RALYL: variants seen among roughly 807,000 people sequenced by gnomAD.
RALYL encodes RNA-binding Raly-like protein.
In RALYL, 29 loss-of-function variants were observed where a neutral mutation model predicts 35.1. That is an observed-to-expected ratio of 0.83 (90% CI 0.61 to 1.13). RALYL has a LOEUF of 1.13. Among genes scored for constraint, RALYL ranks in the 50% most tolerant of loss-of-function variants. The pLI is 0.00. For missense variants in RALYL, 359 were observed against 360.4 expected, an observed-to-expected ratio of 1.00 and a Z score of 0.03; for synonymous variants, 120 against 127.6, an observed-to-expected ratio of 0.94 and a Z score of 0.40.
intron 1 of RALYL, among the ~76,000 whole-genome samples, chr8:84,273,938 A>G (rs146207628): frequency 1.3e-5 from 2 of 152,352 alleles, no homozygotes; most frequent in East Asian, 1.9e-4. Context: ...GAAGAAAACT[A>G]GAAACCATAT....
intron 1 of RALYL, among the ~76,000 whole-genome samples, chr8:84,268,098 G>A (rs1294541353): frequency 1.3e-5 from 2 of 152,162 alleles, no homozygotes; most frequent in Non-Finnish European, 2.9e-5. Flanking sequence ...ATATCCCTGA[G>A]AATAAAATAA....
At chr8:84,686,444 G>T (rs567669973) in intron 2 of RALYL, among the ~76,000 whole-genome samples, 1 of 151,992 alleles carries the variant, frequency 6.6e-6, no homozygotes, top group Non-Finnish European at 1.5e-5. Flanking sequence ...CAGCTCTGTC[G>T]CCCAACCTGG....
chr8:84,711,880 T>C (rs1049525304), intron 2 of RALYL, among the ~76,000 whole-genome samples: 1 of 152,222 alleles, frequency 6.6e-6, no homozygotes, highest in Non-Finnish European at 1.5e-5. Flanking sequence ...ATGATTTCTT[T>C]GTAACTGTGA....
intron 2 of RALYL, among the ~76,000 whole-genome samples, chr8:84,725,891 G>T (rs1844861022): frequency 6.6e-6 from 1 of 151,466 alleles, no homozygotes; most frequent in Non-Finnish European, 1.5e-5. Context: ...ACATTTAATA[G>T]TATTAAGCAA....
intron 4 of RALYL, among the ~76,000 whole-genome samples, chr8:84,818,114 A>G (rs113313053): frequency 1.5e-3 from 234 of 152,276 alleles, no homozygotes; most frequent in African/African-American, 5.4e-3. Flanking sequence ...CTTACTAGGG[A>G]AGATCACTGA....
intron 2 of RALYL, among the ~76,000 whole-genome samples, chr8:84,748,243 G>GT (rs1217311986): frequency 3.9e-5 from 6 of 151,938 alleles, no homozygotes; most frequent in African/African-American, 1.2e-4. Flanking sequence ...ATATTTGAAG[G>GT]TAGGAATGGT....
chr8:84,705,094 A>T (rs1840954508), intron 2 of RALYL, among the ~76,000 whole-genome samples: 1 of 152,176 alleles, frequency 6.6e-6, no homozygotes, highest in Non-Finnish European at 1.5e-5. Context: ...CTTTGAAACC[A>T]TGTTCTCATT....
chr8:84,577,022 A>C (rs1448664603), intron 2 of RALYL, among the ~76,000 whole-genome samples: 1 of 152,120 alleles, frequency 6.6e-6, no homozygotes, highest in East Asian at 1.9e-4. Flanking sequence ...TGAACTTTTG[A>C]CTGTACATAG....
At chr8:84,503,900 G>A (rs143626071) in intron 1 of RALYL, among the ~76,000 whole-genome samples, 6 of 151,560 alleles carry the variant, frequency 4.0e-5, no homozygotes, top group African/African-American at 1.5e-4. Flanking sequence ...AAAATATAGA[G>A]AAGATTATAA....
intron 1 of RALYL, among the ~76,000 whole-genome samples, chr8:84,200,027 ATG>A: frequency 6.8e-6 from 1 of 147,700 alleles, no homozygotes; most frequent in Middle Eastern, 3.2e-3. Flanking sequence ...AGTACTTATT[ATG>A]TAATTTTGGG....
At chr8:84,249,487 A>G (rs1829761182) in intron 1 of RALYL, among the ~76,000 whole-genome samples, 1 of 152,136 alleles carries the variant, frequency 6.6e-6, no homozygotes, top group Non-Finnish European at 1.5e-5. Context: ...AAAATTTGTA[A>G]CTTTATCAAA....
intron 2 of RALYL, among the ~76,000 whole-genome samples, chr8:84,653,224 C>T (rs1829221468): frequency 6.6e-6 from 1 of 151,974 alleles, no homozygotes; most frequent in Non-Finnish European, 1.5e-5. Flanking sequence ...AAATTATATG[C>T]CACTTTTTAA....
chr8:84,730,217 A>T (rs973450555), intron 2 of RALYL, among the ~76,000 whole-genome samples: 2 of 152,100 alleles, frequency 1.3e-5, no homozygotes, highest in African/African-American at 4.8e-5. Context: ...CTGGGATGCA[A>T]GGCTGGTTCA....
chr8:84,728,348 G>T (rs1845418803), intron 2 of RALYL, among the ~76,000 whole-genome samples: 1 of 151,960 alleles, frequency 6.6e-6, no homozygotes, highest in South Asian at 2.1e-4. Context: ...AAATTTGTTT[G>T]AGTTCATTGT....
chr8:84,717,275 A>G (rs982234151), intron 2 of RALYL, among the ~76,000 whole-genome samples: 1 of 152,164 alleles, frequency 6.6e-6, no homozygotes, highest in Admixed American at 6.6e-5. Flanking sequence ...TATTAAGTTA[A>G]CCATTTCTTA....
intron 1 of RALYL, among the ~76,000 whole-genome samples, chr8:84,424,226 T>G (rs2132486621): frequency 6.7e-6 from 1 of 149,678 alleles, no homozygotes; most frequent in East Asian, 2.0e-4. Flanking sequence ...TAGTCCCATA[T>G]TTCTTGGAGG....
chr8:84,878,619 CTA>C (rs1841633386), intron 7 of RALYL, among the ~76,000 whole-genome samples: 1 of 143,056 alleles, frequency 7.0e-6, no homozygotes, highest in South Asian at 2.2e-4. Flanking sequence ...AAAAAAAACA[CTA>C]ATACCCTCAG....
At position 84,490,078 on chromosome 8, in the gene RALYL, CAT is replaced by C. The variant is rs1491180028; in HGVS notation, c.-23-39220_-23-39219del. On this transcript the variant is annotated intron_variant, in intron 1 of 8. Coordinates refer to ENST00000521268, the MANE Select transcript of RALYL (RefSeq NM_173848.7). ...TAGTGGAAGTCAGAGTGCTTGCGTG[CAT>C]GTGTGTGTGTGTGTGTGTGTGTGTG... 3.6e-3 allele frequency among the ~76,000 whole-genome samples: 327 copies of C among 91,924 alleles called. 1 individual carries two copies. Among genetic ancestry groups the C allele is most frequent in the African/African-American group, 0.011 (309 of 29,212 alleles). 60.3% of individuals were successfully genotyped at this position (91,924 alleles called of 152,430 possible).
chr8:84,368,529 A>C (rs1405011024), intron 1 of RALYL, among the ~76,000 whole-genome samples: 1 of 152,146 alleles, frequency 6.6e-6, no homozygotes, highest in African/African-American at 2.4e-5. Flanking sequence ...CAATTTACAA[A>C]AGAAAGAGGT....
Sources: allele counts gnomAD v4.1 joint callset (sites outside exome capture counted in the v4.1 genomes callset), GRCh38; gene constraint gnomAD v4.1.1; transcripts MANE v1.5; gene names NCBI Gene and HGNC (gene_info 2026-07-23, HGNC 2026-07-21).